Variants in PPP2R5C observed in about 807,000 individuals in gnomAD.
PPP2R5C encodes the protein protein phosphatase 2 regulatory subunit B'gamma.
In PPP2R5C, 7 loss-of-function variants were observed where a neutral mutation model predicts 68.9. The observed-to-expected ratio is 0.10, with a 90% CI of 0.06 to 0.19. The LOEUF is 0.19. Ranked by LOEUF, PPP2R5C falls within the 10% of genes least tolerant of loss-of-function variation. The pLI, the probability that PPP2R5C is intolerant of heterozygous loss-of-function variation, is 1.00. For missense variants in PPP2R5C, 348 were observed against 641.3 expected, an observed-to-expected ratio of 0.54 and a Z score of 4.94; for synonymous variants, 210 against 222.2, an observed-to-expected ratio of 0.95 and a Z score of 0.49.
chr14:101,815,936 C>T (rs1333852899), intron 1 of PPP2R5C, among the ~76,000 whole-genome samples: 1 of 152,222 alleles, frequency 6.6e-6, no homozygotes, highest in Non-Finnish European at 1.5e-5. Context: ...TCCCAAAGTA[C>T]TGGGATTGTA....
At chr14:101,808,064 G>C (rs1471106105), upstream of PPP2R5C, among the ~76,000 whole-genome samples, 1 of 151,004 alleles carries the variant, frequency 6.6e-6, no homozygotes, top group African/African-American at 2.4e-5. Context: ...GTTCCTAATT[G>C]TGTCTGAGTT....
chr14:101,882,075 T>C lies in PPP2R5C; in HGVS notation c.295-86T>C. The C allele has an allele frequency of 8.9e-7, 1 of 1,126,060 alleles. No homozygotes were observed. Among genetic ancestry groups the C allele is most frequent in the Non-Finnish European group, 1.2e-6 (1 of 811,080 alleles). The allele number at this position is 1,126,060 out of a possible 1,614,324, so 69.8% of individuals were successfully genotyped here. A position where few individuals can be genotyped will look rare whatever the true frequency, so the allele number is the denominator to read the frequency against. On this transcript the variant is annotated intron_variant, in intron 2 of 13. Transcript: ENST00000334743. The surrounding 1 kb of genome is among the most constrained non-coding windows in gnomAD (Gnocchi z 4.9). ...CTAAGTTACCATGGGAAGCGGCTAC[T>C]GTTAGAATTACCTAAGACTTTATAA...
At position 101,797,297 on chromosome 14, in the gene PPP2R5C, C is replaced by T. The variant is rs1016297283; in HGVS notation, c.259+11114C>T. On this transcript the variant is annotated intron_variant, in intron 3 of 14. Coordinates refer to the PPP2R5C transcript ENST00000328724. This position sits in a 1 kb window ranked among gnomAD's most constrained non-coding sequence, Gnocchi z 4.2. Reference sequence around the variant, plus strand: ...CAGTGATGTGTGGACGGACACATTCCGCGTATCCCCCAATCAGTGGATGGA... The same window carrying T: ...CAGTGATGTGTGGACGGACACATTCTGCGTATCCCCCAATCAGTGGATGGA... 1 of 455,958 alleles carries T rather than the reference C, an allele frequency of 2.2e-6. No homozygotes were observed. Among genetic ancestry groups the T allele is most frequent in the South Asian group, 1.5e-5 (1 of 64,572 alleles). 28.2% of individuals were successfully genotyped at this position (455,958 alleles called of 1,614,324 possible).
chr14:101,885,706 C>A lies in PPP2R5C; in HGVS notation c.629+2144C>A, dbSNP rs534553842. ...GGTGCTGGACATAGCCCAGACCTGA[C>A]ACATTAACTATAACAGAGAATGATG... On this transcript the variant is annotated intron_variant, in intron 5 of 13. Coordinates refer to ENST00000334743, the Ensembl canonical transcript of PPP2R5C. Among the ~76,000 whole-genome samples the A allele has an allele frequency of 3.3e-5, 5 of 152,338 alleles. No individual in the cohort carries two copies. The South Asian group carries it at 1.0e-3, about 32-fold the overall frequency.
intron 11 of PPP2R5C, among the ~76,000 whole-genome samples, chr14:101,911,776 C>T (rs935263651): frequency 1.3e-5 from 2 of 151,524 alleles, no homozygotes; most frequent in African/African-American, 4.9e-5. Flanking sequence ...CCCAGCTACT[C>T]GGGAGGTTGA....
At chr14:101,778,341 G>T (rs571940605) in intron 2 of PPP2R5C, among the ~76,000 whole-genome samples, 29 of 152,264 alleles carry the variant, frequency 1.9e-4, no homozygotes, top group African/African-American at 6.5e-4. Flanking sequence ...TTGCAAATAT[G>T]TTCTCCCATT....
Position 101,891,582 on chromosome 14 carries a change from C to G in PPP2R5C, c.689+1286C>G, listed in dbSNP as rs539593687. On this transcript the variant is annotated intron_variant, in intron 6 of 13. Coordinates refer to ENST00000334743, the Ensembl canonical transcript of PPP2R5C. The surrounding 1 kb of genome is among the most constrained non-coding windows in gnomAD (Gnocchi z 4.9). ...GCTGTATGACATGTGTTCCACAGCC[C>G]GCCATGCCGTGTGCGTAGGGCCCCC... 3.9e-4 allele frequency among the ~76,000 whole-genome samples: 60 copies of G among 152,170 alleles called. No individual in the cohort carries two copies. The highest frequency in any genetic ancestry group is 7.3e-4 in the Non-Finnish European group (50 of 68,032).
chr14:101,808,032 T>G (rs1374668311), upstream of PPP2R5C, among the ~76,000 whole-genome samples: 1 of 150,892 alleles, frequency 6.6e-6, no homozygotes, highest in East Asian at 1.9e-4. Flanking sequence ...CCTGGGCTCC[T>G]TCCTGAGCCC....
At chr14:101,860,287 G>A (rs1372864753) in intron 2 of PPP2R5C, among the ~76,000 whole-genome samples, 1 of 152,066 alleles carries the variant, frequency 6.6e-6, no homozygotes, top group East Asian at 1.9e-4. Flanking sequence ...TCATGTAAGT[G>A]GAATTACAGA....
At chr14:101,791,429 T>TA (rs2038359853) in intron 3 of PPP2R5C, among the ~76,000 whole-genome samples, 1 of 152,198 alleles carries the variant, frequency 6.6e-6, no homozygotes, top group Non-Finnish European at 1.5e-5. Context: ...TCCTTTATTT[T>TA]AACAGAAAAT....
chr14:101,926,931 C>T (rs1350975919), exon 14 of PPP2R5C: 5 of 151,882 alleles, frequency 3.3e-5, no homozygotes, highest in Non-Finnish European at 5.9e-5. Flanking sequence ...TGGACAAGTC[C>T]GCTTTGTGAG....
At chr14:101,783,117 C>T (rs1340040290) in intron 2 of PPP2R5C, among the ~76,000 whole-genome samples, 2 of 1,208 alleles carry the variant, frequency 1.7e-3, no homozygotes, top group Non-Finnish European at 2.2e-3. Flanking sequence ...TCTCTCTCTC[C>T]TCCTCTCTCT....
Position 101,917,732 on chromosome 14 carries a change from C to T in PPP2R5C, c.1327-99C>T. ...AGTGGGCTTCCTGCGGGAGAGGGCCCTGGGGGGCGGCAGGGGAGATGAGTC... is the reference window on the plus strand; with the variant it reads ...AGTGGGCTTCCTGCGGGAGAGGGCCTTGGGGGGCGGCAGGGGAGATGAGTC... On this transcript the variant is annotated intron_variant, in intron 12 of 13. Transcript: ENST00000334743. This position sits in a 1 kb window ranked among gnomAD's most constrained non-coding sequence, Gnocchi z 4.4. The T allele has an allele frequency of 1.3e-6, 2 of 1,546,860 alleles. No individual in the cohort carries two copies. The highest frequency in any genetic ancestry group is 1.8e-6 in the Non-Finnish European group (2 of 1,141,560).
rs1595566899 is a variant in PPP2R5C, at chr14:101,922,090, G to T, written c.1444-3051G>T. ...ACTCAACGTGTAGAGCACATTGAAG[G>T]CCTGTTCTCCAGGAGAAGAATTGAC... On this transcript the variant is annotated intron_variant, in intron 13 of 13. Transcript: ENST00000334743. 18 of 985,244 alleles carry T rather than the reference G, an allele frequency of 1.8e-5. No homozygotes were observed. The South Asian group carries it at 4.7e-4, about 26-fold the overall frequency. 61.0% of individuals were successfully genotyped at this position (985,244 alleles called of 1,614,324 possible).
chr14:101,872,926 C>CTT (rs201696085), intron 2 of PPP2R5C, among the ~76,000 whole-genome samples: 16 of 144,918 alleles, frequency 1.1e-4, no homozygotes, highest in Admixed American at 3.4e-4. Flanking sequence ...TCTCTTAATT[C>CTT]TTTTTTTTTT....
At chr14:101,849,075 A>G (rs1248802713) in intron 1 of PPP2R5C, among the ~76,000 whole-genome samples, 1 of 152,146 alleles carries the variant, frequency 6.6e-6, no homozygotes, top group Non-Finnish European at 1.5e-5. Flanking sequence ...GCATATCCAT[A>G]TTGTGTATAG....
chr14:101,870,013 C>T (rs962408233), intron 2 of PPP2R5C, among the ~76,000 whole-genome samples: 2 of 143,394 alleles, frequency 1.4e-5, no homozygotes, highest in Non-Finnish European at 3.0e-5. Context: ...TTGTCTGTTC[C>T]AATTGTTTGC....
chr14:101,773,267 A>G (rs143912013), intron 2 of PPP2R5C, among the ~76,000 whole-genome samples: 1 of 152,234 alleles, frequency 6.6e-6, no homozygotes, highest in African/African-American at 2.4e-5. Flanking sequence ...TTGCAGAGCA[A>G]TGGCCCTGGG....
chr14:101,878,839 C>A (rs1253583916), intron 2 of PPP2R5C, among the ~76,000 whole-genome samples: 1 of 152,232 alleles, frequency 6.6e-6, no homozygotes, highest in Non-Finnish European at 1.5e-5. Flanking sequence ...CACAGGAACA[C>A]CCACAGCAGT....
Sources: gnomAD v4.1 joint callset for allele counts (sites outside exome capture counted in the v4.1 genomes callset) on GRCh38, gnomAD v4.1.1 for gene constraint, Gnocchi (gnomAD v3.1) non-coding constraint, MANE v1.5 for transcripts, NCBI Gene and HGNC (gene_info 2026-07-23, HGNC 2026-07-21) for gene names.